The following RPP38 variants were observed in gnomAD, a reference collection of about 807,000 sequenced individuals.
RPP38 encodes ribonuclease P protein subunit p38.
A neutral mutation model predicts 1.7 loss-of-function variants in RPP38; 2 were observed. The ratio of observed to expected loss-of-function variants is 1.18; its 90% CI spans 0.48 to 3.70. RPP38 has a LOEUF of 3.70. Among genes scored for constraint, RPP38 ranks in the 30% most tolerant of loss-of-function variants. The pLI is 0.07. For synonymous variants in RPP38, 151 were observed against 131.8 expected (o/e 1.15, Z -1.00); for missense variants, 358 against 340.1 (o/e 1.05, Z -0.41).
intron 1 of RPP38, among the ~76,000 whole-genome samples, chr10:15,098,455 C>T (rs913325483): frequency 1.3e-5 from 2 of 151,278 alleles, no homozygotes; most frequent in South Asian, 2.1e-4. Flanking sequence ...CTACTGACCT[C>T]AAGTGATCCG....
rs1479949842 is a variant in RPP38 at position 15,102,225 on chromosome 10, C to G, written c.-122C>G. On this transcript the variant is annotated 5_prime_UTR_variant, in exon 2 of 3. Coordinates refer to ENST00000378197, the MANE Select transcript of RPP38 (RefSeq NM_183005.5). ...TTTTTTTTTTTTTTGCAGACAGGGT[C>G]AGATGTGTTACTGGGCTGGAGTGTG... is the stretch of plus-strand genomic sequence containing the variant. 1 of 146,346 alleles carries G rather than the reference C, an allele frequency of 6.8e-6. No homozygotes were observed. Among genetic ancestry groups the G allele is most frequent in the Non-Finnish European group, 1.5e-5 (1 of 67,276 alleles). The allele number at this position is 146,346 out of a possible 1,614,324, so 9.1% of individuals were successfully genotyped here.
intron 1 of RPP38, among the ~76,000 whole-genome samples, chr10:15,100,722 C>T (rs965669117): frequency 3.3e-5 from 5 of 151,710 alleles, no homozygotes; most frequent in African/African-American, 7.3e-5. Flanking sequence ...TTGCTGTCGC[C>T]CAGGCTAGAA....
At position 15,103,919 on chromosome 10, in the gene RPP38, G is replaced by T. The variant is rs193084890; in HGVS notation, c.605G>T (p.Ser202Ile). 2.5e-6 allele frequency: 4 copies of T among 1,614,070 alleles called. No homozygotes were observed. The African/African-American group carries it at 5.3e-5, about 22-fold the overall frequency. Reference protein sequence around the residue: ...EVRAIIPRVPSLSVPWLQDRI... With the variant: ...EVRAIIPRVPILSVPWLQDRI... ...AGAGCCATCATCCCCAGAGTCCCCA[G>T]TTTAAGTGTACCATGGCTTCAAGAC... The change falls in exon 3 of 3, where the codon AGT becomes ATT. Residue 202 changes from serine (S) to isoleucine (I), a missense_variant. Transcript: ENST00000378197.
intron 1 of RPP38, among the ~76,000 whole-genome samples, 192 bp from the exon 2 acceptor site, chr10:15,102,026 A>G (rs1394112528): frequency 6.6e-6 from 1 of 152,154 alleles, no homozygotes; most frequent in Non-Finnish European, 1.5e-5. Context: ...AGTTTTAATC[A>G]TGAGATGACT....
chr10:15,103,585 AAGG>A lies in RPP38; in HGVS notation c.274_276del (p.Glu92del), dbSNP rs1845191771. ...TGCTGTTGATATTAGTGAGAATCTGAAGGAGAAGAAAACAGATGCTAAGCAGCA... is the reference window on the plus strand; with the variant it reads ...TGCTGTTGATATTAGTGAGAATCTGAAGAAGAAAACAGATGCTAAGCAGCA... On this transcript the variant is annotated inframe_deletion, in exon 3 of 3. Coordinates refer to ENST00000378197, the MANE Select transcript of RPP38 (RefSeq NM_183005.5). 1.9e-6 allele frequency: 3 copies of A among 1,614,160 alleles called. No individual in the cohort carries two copies. Among genetic ancestry groups the A allele is most frequent in the Non-Finnish European group, 2.5e-6 (3 of 1,180,042 alleles).
rs775013055 is a variant in RPP38, at chr10:15,103,881, T to C, written c.567T>C (p.Phe189=). The change falls in exon 3 of 3, where the codon TTT becomes TTC. Residue 189 remains phenylalanine (F), a synonymous_variant. Coordinates refer to ENST00000378197, the MANE Select transcript of RPP38 (RefSeq NM_183005.5). The stretch of plus-strand genomic sequence containing the variant: ...CGTTCAAAAAGAACACCACTGACTT[T>C]GTGGACGAAGTAAGAGCCATCATCC... ...ALAFKKNTTD[F]VDEVRAIIPR... is the part of the protein sequence containing the mutation. 2.5e-6 allele frequency: 4 copies of C among 1,614,170 alleles called. No individual in the cohort carries two copies. The highest frequency in any genetic ancestry group is 2.2e-5 in the East Asian group (1 of 44,882).
chr10:15,100,818 T>C (rs1296044090), intron 1 of RPP38, among the ~76,000 whole-genome samples: 1 of 152,158 alleles, frequency 6.6e-6, no homozygotes, highest in African/African-American at 2.4e-5. Flanking sequence ...TAGCTGGGAT[T>C]ACAGGCAGGC....
intron 2 of RPP38, chr10:15,102,674 A>G (rs887236653): frequency 6.6e-6 from 1 of 152,178 alleles, no homozygotes; most frequent in Admixed American, 6.6e-5. Context: ...AAACTTTCAC[A>G]TATTGCTTGT....
intron 1 of RPP38, among the ~76,000 whole-genome samples, chr10:15,101,422 T>G (rs1845104616): frequency 2.0e-5 from 3 of 152,158 alleles, no homozygotes. Flanking sequence ...GAGTGTGTAG[T>G]TGCCTCTGGG....
chr10:15,099,980 A>G (rs919627718), intron 1 of RPP38, among the ~76,000 whole-genome samples: 32 of 152,326 alleles, frequency 2.1e-4, no homozygotes, highest in African/African-American at 7.7e-4. Flanking sequence ...CCCTTGATCT[A>G]CAGGCAGCAG....
Position 15,103,949 on chromosome 10 carries a change from T to C in RPP38, c.635T>C (p.Ile212Thr), listed in dbSNP as rs10242. Residue 212 changes from isoleucine (I) to threonine (T), a missense_variant, in exon 3 of 3, where the codon ATT becomes ACT. Transcript: ENST00000378197. The part of the protein sequence containing the change: ...SLSVPWLQDR[I>T]EDSGENLETE... ...AGTGTACCATGGCTTCAAGACAGAA[T>C]TGAAGATTCTGGGGAAAATTTAGAG... 43,187 of 1,614,070 alleles carry C rather than the reference T, an allele frequency of 0.027. 631 individuals are homozygous for C. The highest frequency in any genetic ancestry group is 0.049 in the Middle Eastern group (297 of 6,062).
intron 1 of RPP38, among the ~76,000 whole-genome samples, chr10:15,101,974 G>C (rs1845121251): frequency 6.6e-6 from 1 of 152,134 alleles, no homozygotes. Flanking sequence ...GGCCCTGGGA[G>C]GTGGGGAGAC....
Position 15,100,139 on chromosome 10 carries a change from G to T in RPP38, c.-129-2079G>T, listed in dbSNP as rs184587375. Among the ~76,000 whole-genome samples, 68 of 152,128 alleles carry T rather than the reference G, an allele frequency of 4.5e-4. No homozygotes were observed. In the East Asian group the frequency reaches 4.6e-3, roughly 10 times the overall value. On this transcript the variant is annotated intron_variant, in intron 1 of 2. Transcript: ENST00000378197. ...TCCAGACTACTTGGCTCTCTTTATCGCCCCAGCAGATTCTGCAGGTGGGAC... is the reference window on the plus strand; with the variant it reads ...TCCAGACTACTTGGCTCTCTTTATCTCCCCAGCAGATTCTGCAGGTGGGAC...
chr10:15,103,862 A>G lies in RPP38; in HGVS notation c.548A>G (p.Lys183Arg), dbSNP rs1266428131. 6.2e-7 allele frequency: 1 copy of G among 1,614,162 alleles called. No homozygotes were observed. The highest frequency in any genetic ancestry group is 2.2e-5 in the East Asian group (1 of 44,878). ...AAATGTGTTCTAGCCTTGGCGTTCAAAAAGAACACCACTGACTTTGTGGAC... is the reference window on the plus strand; with the variant it reads ...AAATGTGTTCTAGCCTTGGCGTTCAGAAAGAACACCACTGACTTTGTGGAC... ...GLKCVLALAF[K>R]KNTTDFVDEV... The change falls in exon 3 of 3, where the codon AAA becomes AGA. Residue 183 changes from lysine to arginine, a missense_variant. Physicochemically the swap from Lys to Arg is conservative, Grantham distance 26 (BLOSUM62 2). Transcript: ENST00000378197.
At position 15,104,021 on chromosome 10, in the gene RPP38, T is replaced by C. The variant is rs145152071; in HGVS notation, c.707T>C (p.Phe236Ser). Residue 236 changes from phenylalanine to serine, a missense_variant, in exon 3 of 3, where the codon TTT becomes TCT. Coordinates refer to ENST00000378197, the MANE Select transcript of RPP38 (RefSeq NM_183005.5). Reference protein sequence around the residue: ...SQDRELLDTSFEDLSKPKRKL... With the variant: ...SQDRELLDTSSEDLSKPKRKL... ...GACAGAGAGCTTTTGGACACTTCATTTGAAGATCTGTCAAAACCTAAGAGA... is the reference window on the plus strand; with the variant it reads ...GACAGAGAGCTTTTGGACACTTCATCTGAAGATCTGTCAAAACCTAAGAGA... 2.6e-3 allele frequency: 4,201 copies of C among 1,614,122 alleles called. 60 individuals are homozygous for C. In the Middle Eastern group the frequency reaches 0.03, roughly 11 times the overall value.
intron 1 of RPP38, among the ~76,000 whole-genome samples, chr10:15,098,603 T>TCCGGC (rs1158289965): frequency 6.7e-6 from 1 of 149,452 alleles, no homozygotes; most frequent in Non-Finnish European, 1.5e-5. Context: ...GGTTAAGAGG[T>TCCGGC]CCGGCCCGGC....
rs753831222 is a variant in RPP38, at chr10:15,103,359, G to A, written c.45G>A (p.Lys15=). 2.5e-6 allele frequency: 4 copies of A among 1,610,134 alleles called. No individual in the cohort carries two copies. Among genetic ancestry groups the A allele is most frequent in the African/African-American group, 2.7e-5 (2 of 74,738 alleles). Residue 15 remains lysine (K), a synonymous_variant, in exon 3 of 3, where the codon AAG becomes AAA. Transcript: ENST00000378197. ...CACCGGGGCGGGGATCTCTCCGTAA[G>A]ACGAGACCTCTGGTTGTGAAGACGT... ...PQAPGRGSLR[K]TRPLVVKTSL...
Position 15,103,498 on chromosome 10 carries a change from G to T in RPP38, c.184G>T (p.Asp62Tyr), listed in dbSNP as rs776711730. ...AGCTATTGGACTTCAGAAGATTGAA[G>T]ATAAGAAGAAAAAGAACAAAACACC... ...LKAIGLQKIE[D>Y]KKKKNKTPFL... The change falls in exon 3 of 3, where the codon GAT (aspartate) becomes TAT (tyrosine). Residue 62 changes from aspartate (D) to tyrosine (Y), a missense_variant. Transcript: ENST00000378197. 1 of 1,613,980 alleles carries T rather than the reference G, an allele frequency of 6.2e-7. No homozygotes were observed. Among genetic ancestry groups the T allele is most frequent in the South Asian group, 1.1e-5 (1 of 91,074 alleles).
Position 15,104,000 on chromosome 10 carries a change from G to A in RPP38, c.686G>A (p.Arg229Lys), listed in dbSNP as rs1300419948. 6.2e-7 allele frequency: 1 copy of A among 1,614,078 alleles called. No individual in the cohort carries two copies. Among genetic ancestry groups the A allele is most frequent in the East Asian group, 2.2e-5 (1 of 44,892 alleles). ...ACTGAACCTCTGGAAAGCCAAGACA[G>A]AGAGCTTTTGGACACTTCATTTGAA... is the stretch of plus-strand genomic sequence containing the variant. ...LETEPLESQD[R>K]ELLDTSFEDL... Residue 229 changes from arginine to lysine, a missense_variant, in exon 3 of 3, where the codon AGA becomes AAA. Arg to Lys is a conservative substitution (Grantham distance 26). Coordinates refer to ENST00000378197, the MANE Select transcript of RPP38 (RefSeq NM_183005.5).
Sources: gnomAD v4.1 joint callset for allele counts (sites outside exome capture counted in the v4.1 genomes callset) on GRCh38, gnomAD v4.1.1 for gene constraint, MANE v1.5 for transcripts, NCBI Gene and HGNC (gene_info 2026-07-23, HGNC 2026-07-21) for gene names.